The following SNCB variants were observed in gnomAD, a reference collection of about 807,000 sequenced individuals.
The protein encoded by SNCB is synuclein beta, also known as beta-synuclein.
Under a neutral mutation model 20.0 loss-of-function variants are expected in SNCB, and 8 were observed. That is an observed-to-expected ratio of 0.40 (90% confidence interval 0.24 to 0.72). The LOEUF (loss-of-function observed/expected upper bound fraction) is 0.72. SNCB is among the 30% of genes least tolerant of loss of function. SNCB has a pLI of 0.37. For missense variants in SNCB, 125 were observed against 168.0 expected (o/e 0.74, Z 1.41); for synonymous variants, 56 against 65.4 (o/e 0.86, Z 0.69).
At chr5:176,624,084 T>G (rs1332836847) in intron 4 of SNCB, among the ~76,000 whole-genome samples, 1 of 152,170 alleles carries the variant, frequency 6.6e-6, no homozygotes, top group Admixed American at 6.5e-5. Context: ...GATCTTGGGC[T>G]CCCTTGGGAG....
chr5:176,628,026 G>A (rs1760083728), intron 2 of SNCB, among the ~76,000 whole-genome samples: 1 of 152,222 alleles, frequency 6.6e-6, no homozygotes, highest in African/African-American at 2.4e-5. Flanking sequence ...GCAGAGCAAT[G>A]TGCTTTCAGG....
intron 4 of SNCB, among the ~76,000 whole-genome samples, chr5:176,624,802 C>CAAAAAAAAAAAA (rs1282224621): frequency 2.0e-5 from 1 of 50,930 alleles, no homozygotes; most frequent in Non-Finnish European, 4.5e-5. Flanking sequence ...AACTCCGTCT[C>CAAAAAAAAAAAA]AAAAAAAAAA....
chr5:176,621,669 C>G lies in SNCB; in HGVS notation c.283-366G>C, dbSNP rs1317547051. Among the ~76,000 whole-genome samples, 1 of 152,212 alleles carries G rather than the reference C, an allele frequency of 6.6e-6. No homozygotes were observed. The highest frequency in any genetic ancestry group is 1.5e-5 in the Non-Finnish European group (1 of 68,030). On this transcript the variant is annotated intron_variant, in intron 4 of 5. Transcript: ENST00000393693. This position sits in a 1 kb window ranked among gnomAD's most constrained non-coding sequence, Gnocchi z 4.1. ...CCCCAGAGATAACCCTCAGGCTCCCCTGGGCTGAAGGGAGCTGGAGGCTCA... is the reference window on the plus strand; with the variant it reads ...CCCCAGAGATAACCCTCAGGCTCCCGTGGGCTGAAGGGAGCTGGAGGCTCA...
Position 176,626,317 on chromosome 5 carries a change from A to G in SNCB, c.282+81T>C. ...GGATTAGGGGGGCGGGGATGGTGAC[A>G]GGTTTATTTGTGTGCCTGGTGTGTG... On this transcript the variant is annotated intron_variant, in intron 4 of 5. Coordinates refer to ENST00000393693, the MANE Select transcript of SNCB (RefSeq NM_003085.5). This position sits in a 1 kb window ranked among gnomAD's most constrained non-coding sequence, Gnocchi z 4.2. The G allele has an allele frequency of 9.9e-7, 1 of 1,012,714 alleles. No homozygotes were observed. The highest frequency in any genetic ancestry group is 1.6e-6 in the Non-Finnish European group (1 of 645,034). 62.7% of individuals were successfully genotyped at this position (1,012,714 alleles called of 1,614,324 possible).
Position 176,626,796 on chromosome 5 carries a change from T to C in SNCB, c.122-35A>G, listed in dbSNP as rs1177542847. The C allele has an allele frequency of 6.2e-7, 1 of 1,612,534 alleles. No individual in the cohort carries two copies. The highest frequency in any genetic ancestry group is 8.5e-7 in the Non-Finnish European group (1 of 1,178,534). On this transcript the variant is annotated intron_variant, in intron 2 of 5. Transcript: ENST00000393693. This position sits in a 1 kb window ranked among gnomAD's most constrained non-coding sequence, Gnocchi z 4.2. ...GAAAAAGCGGCACATTTAAGGACTC[T>C]GCGCTGAGGGAACAGAAACTCCAGC...
intron 2 of SNCB, among the ~76,000 whole-genome samples, chr5:176,627,581 G>A (rs1285828249): frequency 6.6e-6 from 1 of 152,164 alleles, no homozygotes; most frequent in African/African-American, 2.4e-5. Context: ...GGGGTGGGGA[G>A]TATCCCGTCT....
In SNCB at chr5:176,629,505, C is replaced by T. The variant is rs754286012; in HGVS notation, c.121+29G>A. On this transcript the variant is annotated intron_variant, in intron 2 of 5. Transcript: ENST00000393693. This position sits in a 1 kb window ranked among gnomAD's most constrained non-coding sequence, Gnocchi z 4.1. Reference sequence around the variant, plus strand: ...CACTGTCGGGGGACCCCCAGCCCTGCAGCCCCAGAAACCCCGCCCCTTACC... The same window carrying T: ...CACTGTCGGGGGACCCCCAGCCCTGTAGCCCCAGAAACCCCGCCCCTTACC... 1 of 1,609,858 alleles carries T rather than the reference C, an allele frequency of 6.2e-7. No individual in the cohort carries two copies. Among genetic ancestry groups the T allele is most frequent in the Non-Finnish European group, 8.5e-7 (1 of 1,177,920 alleles).
rs1044663253 is a variant in SNCB at position 176,621,132 on chromosome 5, C to T, written c.372+82G>A. The T allele has an allele frequency of 2.6e-6, 3 of 1,144,036 alleles. No homozygotes were observed. Among genetic ancestry groups the T allele is most frequent in the Non-Finnish European group, 3.9e-6 (3 of 774,020 alleles). The allele number at this position is 1,144,036 out of a possible 1,614,324, so 70.9% of individuals were successfully genotyped here. Reference sequence around the variant, plus strand: ...AGCTCCCTGGCCCAACCATCTCATGCCAGGGATGTCCCACCCCAGCTAGGG... The same window carrying T: ...AGCTCCCTGGCCCAACCATCTCATGTCAGGGATGTCCCACCCCAGCTAGGG... On this transcript the variant is annotated intron_variant, in intron 5 of 5. Transcript: ENST00000393693. This position sits in a 1 kb window ranked among gnomAD's most constrained non-coding sequence, Gnocchi z 4.1.
At chr5:176,625,976 A>T (rs1228138039) in intron 4 of SNCB, among the ~76,000 whole-genome samples, 1 of 152,116 alleles carries the variant, frequency 6.6e-6, no homozygotes, top group Non-Finnish European at 1.5e-5. Context: ...GCGTTTTACT[A>T]TCTTCTCCCA....
rs551029978 is a variant in SNCB, at chr5:176,621,348, C to T, written c.283-45G>A. ...GGACTCGTGAGGACAGCCAGGATGC[C>T]CCCCAAATTCCCACAGTGGTAAGCT... is the stretch of plus-strand genomic sequence containing the variant. On this transcript the variant is annotated intron_variant, in intron 4 of 5. Transcript: ENST00000393693. This position sits in a 1 kb window ranked among gnomAD's most constrained non-coding sequence, Gnocchi z 4.1. The T allele has an allele frequency of 3.3e-6, 5 of 1,508,202 alleles. No homozygotes were observed. The highest frequency in any genetic ancestry group is 4.6e-5 in the East Asian group (2 of 43,854). The allele number at this position is 1,508,202 out of a possible 1,614,324, so 93.4% of individuals were successfully genotyped here.
At chr5:176,625,798 C>T (rs1759904111) in intron 4 of SNCB, among the ~76,000 whole-genome samples, 1 of 152,220 alleles carries the variant, frequency 6.6e-6, no homozygotes, top group South Asian at 2.1e-4. Context: ...TCCCACACAT[C>T]TCAAGGCTGC....
At position 176,626,357 on chromosome 5, in the gene SNCB, TG is replaced by T; in HGVS notation, c.282+40del. On this transcript the variant is annotated intron_variant, in intron 4 of 5. Coordinates refer to ENST00000393693, the MANE Select transcript of SNCB (RefSeq NM_003085.5). The surrounding 1 kb of genome is among the most constrained non-coding windows in gnomAD (Gnocchi z 4.2). ...CCTGGTGTGTGTGTGTGTGTGTGTGTGTGTGTTTGCCTGCATGTGCGGGTCA... is the reference window on the plus strand; with the variant it reads ...CCTGGTGTGTGTGTGTGTGTGTGTGTTGTGTTTGCCTGCATGTGCGGGTCA... 2 of 1,111,100 alleles carry T rather than the reference TG, an allele frequency of 1.8e-6. No individual in the cohort carries two copies. The highest frequency in any genetic ancestry group is 1.2e-5 in the South Asian group (1 of 81,138). The allele number at this position is 1,111,100 out of a possible 1,614,324, so 68.8% of individuals were successfully genotyped here.
At position 176,626,433 on chromosome 5, in the gene SNCB, G is replaced by C. The variant is rs1759948214; in HGVS notation, c.247C>G (p.Leu83Val). The C allele has an allele frequency of 6.2e-7, 1 of 1,613,602 alleles. No homozygotes were observed. The highest frequency in any genetic ancestry group is 8.5e-7 in the Non-Finnish European group (1 of 1,179,798). The stretch of plus-strand genomic sequence containing the variant: ...GTAGGGAATTCCTCCCTCTTCACCA[G>C]TCCTGTGGCTGCTGCGATGTTCCCT... ...GAGNIAAATG[L>V]VKREEFPTDL... The change falls in exon 4 of 6, where the codon CTG (leucine) becomes GTG (valine). Residue 83 changes from leucine to valine, a missense_variant. Coordinates refer to ENST00000393693, the MANE Select transcript of SNCB (RefSeq NM_003085.5). The surrounding 1 kb of genome is among the most constrained non-coding windows in gnomAD (Gnocchi z 4.2).
Position 176,620,644 on chromosome 5 carries a change from AGGACAGACAGAT to A in SNCB, c.*155_*166del. ...GCCCCGGGGTTGGACGCGGGCGGGT[AGGACAGACAGAT>A]GGACAGACACTAACACAGGCTCCGA... On this transcript the variant is annotated 3_prime_UTR_variant, in exon 6 of 6. Coordinates refer to ENST00000393693, the MANE Select transcript of SNCB (RefSeq NM_003085.5). This position sits in a 1 kb window ranked among gnomAD's most constrained non-coding sequence, Gnocchi z 4.5. The A allele has an allele frequency of 3.0e-6, 2 of 662,742 alleles. No individual in the cohort carries two copies. Among genetic ancestry groups the A allele is most frequent in the South Asian group, 3.5e-5 (2 of 57,836 alleles). 41.1% of individuals were successfully genotyped at this position (662,742 alleles called of 1,614,324 possible). A position where few individuals can be genotyped will look rare whatever the true frequency, so the allele number is the denominator to read the frequency against.
intron 4 of SNCB, among the ~76,000 whole-genome samples, chr5:176,623,953 C>T (rs35035889): frequency 0.19 from 28,414 of 152,056 alleles, 2,809 homozygotes; most frequent in East Asian, 0.32. Flanking sequence ...GTGAGGATTC[C>T]GTGATGATGG....
chr5:176,627,876 G>A (rs898410849), intron 2 of SNCB, among the ~76,000 whole-genome samples: 1 of 152,256 alleles, frequency 6.6e-6, no homozygotes, highest in African/African-American at 2.4e-5. Flanking sequence ...CAAGTAGTGG[G>A]GAGAGGACTT....
Position 176,623,527 on chromosome 5 carries a change from T to C in SNCB, c.283-2224A>G, listed in dbSNP as rs182338425. Among the ~76,000 whole-genome samples the C allele has an allele frequency of 1.5e-4, 22 of 151,702 alleles. No individual in the cohort carries two copies. The South Asian group carries it at 3.5e-3, about 24-fold the overall frequency. On this transcript the variant is annotated intron_variant, in intron 4 of 5. Transcript: ENST00000393693. Reference sequence around the variant, plus strand: ...GGCCATGCAAGTGAGACTCCATGAGTGAGTGCCCCAGACACCTCTTTTGTC... The same window carrying C: ...GGCCATGCAAGTGAGACTCCATGAGCGAGTGCCCCAGACACCTCTTTTGTC...
chr5:176,620,639 C>CG lies in SNCB; in HGVS notation c.*171dup. 1 of 639,580 alleles carries CG rather than the reference C, an allele frequency of 1.6e-6. No homozygotes were observed. 39.6% of individuals were successfully genotyped at this position (639,580 alleles called of 1,614,324 possible). On this transcript the variant is annotated 3_prime_UTR_variant, in exon 6 of 6. Transcript: ENST00000393693. The surrounding 1 kb of genome is among the most constrained non-coding windows in gnomAD (Gnocchi z 4.5). ...TCCATGCCCCGGGGTTGGACGCGGG[C>CG]GGGTAGGACAGACAGATGGACAGAC...
chr5:176,621,134 AG>A lies in SNCB; in HGVS notation c.372+79del. The A allele has an allele frequency of 8.6e-7, 1 of 1,158,120 alleles. No individual in the cohort carries two copies. Among genetic ancestry groups the A allele is most frequent in the Non-Finnish European group, 1.3e-6 (1 of 786,262 alleles). The allele number at this position is 1,158,120 out of a possible 1,614,324, so 71.7% of individuals were successfully genotyped here. Reference sequence around the variant, plus strand: ...CTCCCTGGCCCAACCATCTCATGCCAGGGATGTCCCACCCCAGCTAGGGACG... The same window carrying A: ...CTCCCTGGCCCAACCATCTCATGCCAGGATGTCCCACCCCAGCTAGGGACG... On this transcript the variant is annotated intron_variant, in intron 5 of 5. Transcript: ENST00000393693. The surrounding 1 kb of genome is among the most constrained non-coding windows in gnomAD (Gnocchi z 4.1).
Sources: gnomAD v4.1 joint callset for allele counts (sites outside exome capture counted in the v4.1 genomes callset) on GRCh38, gnomAD v4.1.1 for gene constraint, Gnocchi (gnomAD v3.1) non-coding constraint, MANE v1.5 for transcripts, NCBI Gene and HGNC (gene_info 2026-07-23, HGNC 2026-07-21) for gene names.